The following KHDRBS2 variants were observed in gnomAD, a reference collection of about 807,000 sequenced individuals.
The protein encoded by KHDRBS2 is KH domain-containing, RNA-binding, signal transduction-associated protein 2.
KHDRBS2 carries 26 observed loss-of-function variants against 44.3 expected under a neutral mutation model. The observed-to-expected ratio is 0.59, with a 90% CI of 0.43 to 0.81. The LOEUF (loss-of-function observed/expected upper bound fraction) is 0.81, where lower values mean the gene tolerates loss of function less well. Among genes scored for constraint, KHDRBS2 ranks in the 40% least tolerant of loss-of-function variants. The probability of loss-of-function intolerance (pLI) is 0.00; values close to 1 mark genes in which losing one functional copy is unlikely to be tolerated. For missense variants in KHDRBS2, 476 were observed against 433.1 expected, an observed-to-expected ratio of 1.10 and a Z score of -0.88; for synonymous variants, 194 against 151.1, an observed-to-expected ratio of 1.28 and a Z score of -2.08.
rs149030933 is a variant in KHDRBS2 at position 62,145,812 on chromosome 6, G to A, written c.219+31373C>T. Among the ~76,000 whole-genome samples the A allele has an allele frequency of 2.0e-4, 31 of 151,842 alleles. No individual in the cohort carries two copies. The East Asian group carries it at 6.0e-3, about 29-fold the overall frequency. ...GACGTGACACCACAAATGGAAAATT[G>A]TACACATAATCACCTAACACAAATT... is the stretch of plus-strand genomic sequence containing the variant. On this transcript the variant is annotated intron_variant, in intron 2 of 8. Coordinates refer to ENST00000281156, the MANE Select transcript of KHDRBS2 (RefSeq NM_152688.4).
rs1293021405 is a variant in KHDRBS2, at chr6:61,848,484, T to C, written c.810+46151A>G. Reference sequence around the variant, plus strand: ...AATGGAGGTTTTATATATATATATATATATATGTATATATATATATATATA... The same window carrying C: ...AATGGAGGTTTTATATATATATATACATATATGTATATATATATATATATA... On this transcript the variant is annotated intron_variant, in intron 6 of 8. Coordinates refer to ENST00000281156, the MANE Select transcript of KHDRBS2 (RefSeq NM_152688.4). Among the ~76,000 whole-genome samples the C allele has an allele frequency of 1.0e-4, 5 of 48,216 alleles. 1 individual carries two copies. Among genetic ancestry groups the C allele is most frequent in the South Asian group, 7.4e-4 (1 of 1,354 alleles). The allele number at this position is 48,216 out of a possible 152,430, so 31.6% of individuals were successfully genotyped here.
Position 61,680,822 on chromosome 6 carries a change from T to C in KHDRBS2, c.*141A>G. The C allele has an allele frequency of 3.4e-6, 2 of 588,722 alleles. No homozygotes were observed. The highest frequency in any genetic ancestry group is 3.1e-6 in the Non-Finnish European group (1 of 325,778). 36.5% of individuals were successfully genotyped at this position (588,722 alleles called of 1,614,324 possible). ...AGTACAGAGGGAAATACTAGAAATA[T>C]ATGGGAGTAATCATGAGCAGTTATC... On this transcript the variant is annotated 3_prime_UTR_variant, in exon 9 of 9. Transcript: ENST00000281156.
At chr6:62,181,462 G>A (rs960473123) in intron 1 of KHDRBS2, among the ~76,000 whole-genome samples, 1 of 151,762 alleles carries the variant, frequency 6.6e-6, no homozygotes, top group African/African-American at 2.4e-5. Flanking sequence ...ATCACTAATC[G>A]TCAGAGAAAT....
intron 2 of KHDRBS2, among the ~76,000 whole-genome samples, chr6:62,079,263 C>T (rs1489420482): frequency 1.3e-5 from 2 of 151,582 alleles, no homozygotes; most frequent in East Asian, 3.9e-4. Flanking sequence ...ATCTAATACA[C>T]AATTATTTAC....
chr6:62,020,416 G>C (rs1271535086), intron 3 of KHDRBS2, among the ~76,000 whole-genome samples: 1 of 151,934 alleles, frequency 6.6e-6, no homozygotes, highest in Non-Finnish European at 1.5e-5. Flanking sequence ...TGTATATTCT[G>C]CTATTGTTTG....
intron 1 of KHDRBS2, among the ~76,000 whole-genome samples, chr6:62,261,069 T>C (rs957753503): frequency 6.6e-6 from 1 of 151,888 alleles, no homozygotes; most frequent in African/African-American, 2.4e-5. Flanking sequence ...TTGTATTCCA[T>C]AATGACAGCT....
At chr6:62,069,348 T>A (rs1794463146) in intron 2 of KHDRBS2, among the ~76,000 whole-genome samples, 1 of 151,812 alleles carries the variant, frequency 6.6e-6, no homozygotes, top group African/African-American at 2.4e-5. Context: ...ACTATGTTTA[T>A]CCAACCGTAA....
chr6:62,007,363 G>T (rs1779437150), intron 3 of KHDRBS2, among the ~76,000 whole-genome samples: 1 of 151,706 alleles, frequency 6.6e-6, no homozygotes, highest in African/African-American at 2.4e-5. Context: ...GTGGCTATGA[G>T]AGATTACTTT....
At chr6:61,640,449 T>C in the KHDRBS2 span, among the ~76,000 whole-genome samples, 1 of 152,144 alleles carries the variant, frequency 6.6e-6, no homozygotes, top group Non-Finnish European at 1.5e-5. Flanking sequence ...TCACAGTGTG[T>C]AACCCAACAC....
chr6:61,739,096 T>A (rs537464368), intron 6 of KHDRBS2, among the ~76,000 whole-genome samples: 1 of 151,932 alleles, frequency 6.6e-6, no homozygotes, highest in South Asian at 2.1e-4. Context: ...GATTTATAAC[T>A]AAAATATAGA....
At chr6:62,048,159 A>ACACACACAC (rs1386673344) in intron 2 of KHDRBS2, among the ~76,000 whole-genome samples, 165 bp from the exon 3 acceptor site, 5 of 92,148 alleles carry the variant, frequency 5.4e-5, no homozygotes, top group African/African-American at 2.1e-4. Context: ...CACACACACA[A>ACACACACAC]ACCCCAAACC....
the KHDRBS2 span, among the ~76,000 whole-genome samples, chr6:61,558,281 G>A: frequency 2.0e-5 from 3 of 151,960 alleles, no homozygotes; most frequent in Non-Finnish European, 4.4e-5. Flanking sequence ...AACTTCCTTG[G>A]CTGGGTGCAG....
At chr6:61,722,777 T>C (rs1234355883) in intron 7 of KHDRBS2, among the ~76,000 whole-genome samples, 1 of 151,958 alleles carries the variant, frequency 6.6e-6, no homozygotes, top group African/African-American at 2.4e-5. Context: ...TGGCGCGATC[T>C]TGGCTCACTC....
intron 2 of KHDRBS2, among the ~76,000 whole-genome samples, chr6:62,096,823 T>G (rs917969051): frequency 6.6e-6 from 1 of 151,728 alleles, no homozygotes; most frequent in Non-Finnish European, 1.5e-5. Context: ...TTTTATTTTA[T>G]TTTTTTCTGA....
At chr6:62,216,136 GC>G (rs1321539342) in intron 1 of KHDRBS2, among the ~76,000 whole-genome samples, 19 of 151,636 alleles carry the variant, frequency 1.3e-4, no homozygotes, top group African/African-American at 4.1e-4. Flanking sequence ...CATGAGTTGT[GC>G]CTGATTTGTA....
chr6:61,775,996 A>G lies in KHDRBS2; in HGVS notation c.811-43232T>C, dbSNP rs541410610. Reference sequence around the variant, plus strand: ...CTCAGAAATAATGCTGCATATCTACAACTATCTGATCTTTGACAAACCTGA... The same window carrying G: ...CTCAGAAATAATGCTGCATATCTACGACTATCTGATCTTTGACAAACCTGA... On this transcript the variant is annotated intron_variant, in intron 6 of 8. Coordinates refer to ENST00000281156, the MANE Select transcript of KHDRBS2 (RefSeq NM_152688.4). Among the ~76,000 whole-genome samples, 387 of 152,326 alleles carry G rather than the reference A, an allele frequency of 2.5e-3. 1 individual carries two copies. Among genetic ancestry groups the G allele is most frequent in the Non-Finnish European group, 4.4e-3 (302 of 68,036 alleles).
At chr6:62,043,372 T>C (rs1786971604) in intron 3 of KHDRBS2, among the ~76,000 whole-genome samples, 1 of 152,116 alleles carries the variant, frequency 6.6e-6, no homozygotes, top group Non-Finnish European at 1.5e-5. Flanking sequence ...ACTTAGACTT[T>C]AAAGAACTTT....
At chr6:62,012,736 A>G (rs1368395579) in intron 3 of KHDRBS2, among the ~76,000 whole-genome samples, 1 of 152,082 alleles carries the variant, frequency 6.6e-6, no homozygotes, top group Non-Finnish European at 1.5e-5. Context: ...CATTGCCACT[A>G]TCTCAGAGAG....
chr6:61,546,618 G>A, the KHDRBS2 span, among the ~76,000 whole-genome samples: 1 of 152,118 alleles, frequency 6.6e-6, no homozygotes, highest in East Asian at 1.9e-4. Context: ...ATTTAAGAAA[G>A]GTTAATAAAA....
Sources: gnomAD v4.1 joint callset for allele counts (sites outside exome capture counted in the v4.1 genomes callset) on GRCh38, gnomAD v4.1.1 for gene constraint, MANE v1.5 for transcripts, NCBI Gene and HGNC (gene_info 2026-07-23, HGNC 2026-07-21) for gene names.